Variants in MSTN observed in about 807,000 individuals in gnomAD.
MSTN encodes the protein growth/differentiation factor 8.
MSTN carries 12 observed loss-of-function variants against 32.3 expected under a neutral mutation model. That is an observed-to-expected ratio of 0.37 (90% CI 0.24 to 0.60). The LOEUF is 0.60. Ranked by LOEUF, MSTN falls within the 20% of genes least tolerant of loss-of-function variation. The pLI is 0.67. For missense variants in MSTN, 403 were observed against 450.3 expected (o/e 0.89, Z 0.95); for synonymous variants, 168 against 155.1 (o/e 1.08, Z -0.62).
rs1223725227 is a variant in MSTN at position 190,062,610 on chromosome 2, A to G, written c.-14T>C. 2 of 1,608,334 alleles carry G rather than the reference A, an allele frequency of 1.2e-6. No individual in the cohort carries two copies. Among genetic ancestry groups the G allele is most frequent in the African/African-American group, 1.3e-5 (1 of 74,626 alleles). On this transcript the variant is annotated 5_prime_UTR_variant, in exon 1 of 3. Coordinates refer to ENST00000260950, the MANE Select transcript of MSTN (RefSeq NM_005259.3). Reference sequence around the variant, plus strand: ...CAGTTTTTGCATGATTTTAAAATCAATATAATCTTTTTTCTTGTTCTTGTT... The same window carrying G: ...CAGTTTTTGCATGATTTTAAAATCAGTATAATCTTTTTTCTTGTTCTTGTT...
Position 190,062,586 on chromosome 2 carries a change from A to C in MSTN, c.11T>G (p.Leu4Arg), listed in dbSNP as rs1685629284. The C allele has an allele frequency of 6.2e-7, 1 of 1,611,654 alleles. No homozygotes were observed. The highest frequency in any genetic ancestry group is 8.5e-7 in the Non-Finnish European group (1 of 1,178,876). Residue 4 changes from leucine (L) to arginine (R), a missense_variant, in exon 1 of 3, where the codon CTG becomes CGG. Leu to Arg is a moderately radical substitution (Grantham distance 102). Coordinates refer to ENST00000260950, the MANE Select transcript of MSTN (RefSeq NM_005259.3). MQK[L>R]QLCVYIYLFM... The stretch of plus-strand genomic sequence containing the variant: ...CAGGTAAATATAAACACAGAGTTGC[A>C]GTTTTTGCATGATTTTAAAATCAAT...
rs781216051 is a variant in MSTN, at chr2:190,057,250, T to C, written c.*8A>G. 6.2e-7 allele frequency: 1 copy of C among 1,612,916 alleles called. No individual in the cohort carries two copies. Among genetic ancestry groups the C allele is most frequent in the African/African-American group, 1.3e-5 (1 of 74,894 alleles). ...GTTTTAGGAAGTTATGAACGCTTAA[T>C]ATAAATCTCATGAGCACCCACAGCG... On this transcript the variant is annotated 3_prime_UTR_variant, in exon 3 of 3. Coordinates refer to ENST00000260950, the MANE Select transcript of MSTN (RefSeq NM_005259.3).
intron 2 of MSTN, 129 bp downstream of exon 2, chr2:190,059,932 AC>A: frequency 1.2e-6 from 1 of 855,130 alleles, no homozygotes; most frequent in Non-Finnish European, 1.8e-6. Context: ...GTACAGGGCT[AC>A]CGTTGGGGTA....
chr2:190,057,530 G>A lies in MSTN; in HGVS notation c.856C>T (p.Leu286=), dbSNP rs774072279. The change falls in exon 3 of 3, where the codon CTA becomes TTA. Residue 286 remains leucine (L), a synonymous_variant. Transcript: ENST00000260950. ...STESRCCRYP[L]TVDFEAFGWD... ...CCAAAAGCTTCAAAATCCACAGTTA[G>A]AGGGTAACGACAGCATCGTGATTCT... 1.9e-6 allele frequency: 3 copies of A among 1,613,536 alleles called. No homozygotes were observed. The highest frequency in any genetic ancestry group is 2.5e-6 in the Non-Finnish European group (3 of 1,179,588).
Position 190,056,863 on chromosome 2 carries a change from T to G in MSTN, c.*395A>C, listed in dbSNP as rs16823986. ...AATGATGGTATATAACAATCCTGCA[T>G]TTTACCAATACTGTATGTGGATTTT... On this transcript the variant is annotated 3_prime_UTR_variant, in exon 3 of 3. Transcript: ENST00000260950. The G allele has an allele frequency of 0.027, 5,890 of 214,186 alleles. 382 individuals carry two copies. The highest frequency in any genetic ancestry group is 0.13 in the African/African-American group (5,522 of 42,590). 13.3% of individuals were successfully genotyped at this position (214,186 alleles called of 1,614,324 possible). A position where few individuals can be genotyped will look rare whatever the true frequency, so the allele number is the denominator to read the frequency against.
intron 2 of MSTN, among the ~76,000 whole-genome samples, chr2:190,058,119 T>A (rs1472534572): frequency 6.6e-6 from 1 of 152,010 alleles, no homozygotes; most frequent in East Asian, 1.9e-4. Context: ...TCAGGAAAAC[T>A]TGGACAATAA....
At chr2:190,059,227 T>G (rs1464315612) in intron 2 of MSTN, among the ~76,000 whole-genome samples, 3 of 151,922 alleles carry the variant, frequency 2.0e-5, no homozygotes, top group Admixed American at 6.6e-5. Flanking sequence ...GTGATCACAT[T>G]AAGTATTTGA....
In MSTN at chr2:190,060,401, T is replaced by C. The variant is rs774263948; in HGVS notation, c.408A>G (p.Lys136=). ...TAGAGCTAAATTTAAAGAAGCAACA[T>C]TTGGGTTTTCCATCCACTTGCATTA... ...DFLMQVDGKP[K]CCFFKFSSKI... The change falls in exon 2 of 3, where the codon AAA becomes AAG. Residue 136 remains lysine (K), a synonymous_variant. Transcript: ENST00000260950. 2.2e-5 allele frequency: 36 copies of C among 1,610,730 alleles called. No homozygotes were observed. Among genetic ancestry groups the C allele is most frequent in the Non-Finnish European group, 3.1e-5 (36 of 1,178,650 alleles).
At position 190,062,372 on chromosome 2, in the gene MSTN, A is replaced by G. The variant is rs763246848; in HGVS notation, c.225T>C (p.Asp75=). ...CTTTGGGTAAAAGTTGTCTTATAACATCTTTGCTGATGTTAGGAGCTGTTT... is the reference window on the plus strand; with the variant it reads ...CTTTGGGTAAAAGTTGTCTTATAACGTCTTTGCTGATGTTAGGAGCTGTTT... ...RLETAPNISK[D]VIRQLLPKAP... is the part of the protein sequence containing the mutation. The change falls in exon 1 of 3, where the codon GAT becomes GAC. Residue 75 remains aspartate, a synonymous_variant. Transcript: ENST00000260950. 22 of 1,613,250 alleles carry G rather than the reference A, an allele frequency of 1.4e-5. 1 individual carries two copies. In the East Asian group the frequency reaches 3.3e-4, roughly 25 times the overall value.
rs1685456973 is a variant in MSTN at position 190,057,108 on chromosome 2, C to T, written c.*150G>A. On this transcript the variant is annotated 3_prime_UTR_variant, in exon 3 of 3. Transcript: ENST00000260950. ...TTAAATGCCAACCATTGCATATATT[C>T]CCCCTTTTAGTTTACATACTGTAGC... is the stretch of plus-strand genomic sequence containing the variant. 1 of 743,276 alleles carries T rather than the reference C, an allele frequency of 1.3e-6. No homozygotes were observed. Among genetic ancestry groups the T allele is most frequent in the African/African-American group, 1.8e-5 (1 of 56,134 alleles). 46.0% of individuals were successfully genotyped at this position (743,276 alleles called of 1,614,324 possible).
rs776836835 is a variant in MSTN at position 190,062,261 on chromosome 2, G to A, written c.336C>T (p.His112=). ...SDGSLEDDDY[H]ATTETIITMP... is the part of the protein sequence containing the mutation. The stretch of plus-strand genomic sequence containing the variant: ...TGGTAATGATTGTTTCCGTTGTAGC[G>A]TGATAATCGTCATCTTCCAAAGAGC... The change falls in exon 1 of 3, where the codon CAC becomes CAT. Residue 112 remains histidine, a synonymous_variant. Coordinates refer to ENST00000260950, the MANE Select transcript of MSTN (RefSeq NM_005259.3). 1.4e-5 allele frequency: 22 copies of A among 1,612,852 alleles called. No individual in the cohort carries two copies. The highest frequency in any genetic ancestry group is 6.7e-5 in the East Asian group (3 of 44,876).
At position 190,057,442 on chromosome 2, in the gene MSTN, A is replaced by T; in HGVS notation, c.944T>A (p.Phe315Tyr). 2 of 1,613,568 alleles carry T rather than the reference A, an allele frequency of 1.2e-6. No homozygotes were observed. Among genetic ancestry groups the T allele is most frequent in the Non-Finnish European group, 1.7e-6 (2 of 1,179,578 alleles). ...ATGAGGATATTTTTGTAAAAATACA[A>T]ATTCACACTCTCCAGAGCAGTAATT... ...KANYCSGECE[F>Y]VFLQKYPHTH... Residue 315 changes from phenylalanine (F) to tyrosine (Y), a missense_variant, in exon 3 of 3, where the codon TTT becomes TAT. Physicochemically the swap from Phe to Tyr is conservative, Grantham distance 22. Coordinates refer to ENST00000260950, the MANE Select transcript of MSTN (RefSeq NM_005259.3).
In MSTN at chr2:190,057,402, G is replaced by C. The variant is rs2105749213; in HGVS notation, c.984C>G (p.His328Gln). Residue 328 changes from histidine to glutamine, a missense_variant, in exon 3 of 3, where the codon CAC becomes CAG. Coordinates refer to ENST00000260950, the MANE Select transcript of MSTN (RefSeq NM_005259.3). ...LQKYPHTHLV[H>Q]QANPRGSAGP... ...CTGCTGAACCTCTGGGGTTTGCTTGGTGTACCAGATGAGTATGAGGATATT... is the reference window on the plus strand; with the variant it reads ...CTGCTGAACCTCTGGGGTTTGCTTGCTGTACCAGATGAGTATGAGGATATT... The C allele has an allele frequency of 6.2e-7, 1 of 1,613,606 alleles. No individual in the cohort carries two copies. Among genetic ancestry groups the C allele is most frequent in the East Asian group, 2.2e-5 (1 of 44,868 alleles).
chr2:190,061,000 AC>A (rs1685577770), intron 1 of MSTN, among the ~76,000 whole-genome samples: 2 of 152,106 alleles, frequency 1.3e-5, no homozygotes, highest in Non-Finnish European at 2.9e-5. Context: ...GATAATTAAC[AC>A]AAAAATTTTG....
intron 2 of MSTN, among the ~76,000 whole-genome samples, chr2:190,059,169 G>A (rs1685523831): frequency 6.6e-6 from 1 of 151,878 alleles, no homozygotes; most frequent in Non-Finnish European, 1.5e-5. Flanking sequence ...TTGTTTACAA[G>A]TATAATCTTC....
In MSTN at chr2:190,062,447, A is replaced by G. The variant is rs745869779; in HGVS notation, c.150T>C (p.Ser50=). ...GTATCTTAATGGCTTCTATTCTTGA[A>G]GATTTAGTGTTTTGTCTCCAAGTAC... ...NACTWRQNTK[S]SRIEAIKIQI... Residue 50 remains serine, a synonymous_variant, in exon 1 of 3, where the codon TCT becomes TCC. Transcript: ENST00000260950. The G allele has an allele frequency of 4.3e-6, 7 of 1,613,456 alleles. No homozygotes were observed. Among genetic ancestry groups the G allele is most frequent in the Admixed American group, 1.7e-5 (1 of 59,928 alleles).
Position 190,062,710 on chromosome 2 carries a change from C to T in MSTN, c.-114G>A. ...AATGCATGTACAGTCTGAGAGACAA[C>T]TTGCCACACCAGTGAATCTTTTATA... On this transcript the variant is annotated 5_prime_UTR_variant, in exon 1 of 3. Transcript: ENST00000260950. 1 of 948,756 alleles carries T rather than the reference C, an allele frequency of 1.1e-6. No homozygotes were observed. The highest frequency in any genetic ancestry group is 1.6e-6 in the Non-Finnish European group (1 of 638,288). The allele number at this position is 948,756 out of a possible 1,614,324, so 58.8% of individuals were successfully genotyped here.
intron 1 of MSTN, 93 bp from the exon 2 acceptor site, chr2:190,060,528 A>T (rs1575558137): frequency 1.0e-5 from 11 of 1,086,156 alleles, no homozygotes; most frequent in African/African-American, 6.4e-5. Context: ...TTAAATTAAG[A>T]TAATGTATGC....
At position 190,057,099 on chromosome 2, in the gene MSTN, G is replaced by T. The variant is rs1193544079; in HGVS notation, c.*159C>A. The T allele has an allele frequency of 4.3e-6, 3 of 705,706 alleles. No individual in the cohort carries two copies. The highest frequency in any genetic ancestry group is 7.0e-6 in the Non-Finnish European group (3 of 430,448). The allele number at this position is 705,706 out of a possible 1,614,324, so 43.7% of individuals were successfully genotyped here. On this transcript the variant is annotated 3_prime_UTR_variant, in exon 3 of 3. Coordinates refer to ENST00000260950, the MANE Select transcript of MSTN (RefSeq NM_005259.3). ...TTTGGATGGTTAAATGCCAACCATT[G>T]CATATATTCCCCCTTTTAGTTTACA...
Sources: gnomAD v4.1 joint callset for allele counts (sites outside exome capture counted in the v4.1 genomes callset) on GRCh38, gnomAD v4.1.1 for gene constraint, MANE v1.5 for transcripts, NCBI Gene and HGNC (gene_info 2026-07-23, HGNC 2026-07-21) for gene names.